SMAD2: variants seen among roughly 807,000 people sequenced by gnomAD.
SMAD2 encodes the protein SMAD family member 2, also known as MAD homolog 2.
In SMAD2, 8 loss-of-function variants were observed where a neutral mutation model predicts 64.4. The observed-to-expected ratio is 0.12, with a 90% CI of 0.07 to 0.22. The LOEUF is 0.22. Among genes scored for constraint, SMAD2 ranks in the 10% least tolerant of loss-of-function variants. The probability of loss-of-function intolerance (pLI) is 1.00; values close to 1 mark genes in which losing one functional copy is unlikely to be tolerated. For missense variants in SMAD2, 289 were observed against 561.2 expected (o/e 0.51, Z 4.90); for synonymous variants, 203 against 195.8 (o/e 1.04, Z -0.31).
intron 5 of SMAD2, 111 bp downstream of exon 5, chr18:47,868,212 A>G: frequency 1.1e-6 from 1 of 934,512 alleles, no homozygotes; most frequent in Non-Finnish European, 1.7e-6. Flanking sequence ...TTTCTATTAA[A>G]AACTCAAAAG....
At chr18:47,859,992 A>AG (rs2031038532) in intron 6 of SMAD2, among the ~76,000 whole-genome samples, 1 of 152,146 alleles carries the variant, frequency 6.6e-6, no homozygotes, top group Admixed American at 6.6e-5. Flanking sequence ...AAAATTAGCC[A>AG]GGTGCAGTAG....
rs1266589622 is a variant in SMAD2 at position 47,850,355 on chromosome 18, TAA to T, written c.784+917_784+918del. On this transcript the variant is annotated intron_variant, in intron 7 of 10. Transcript: ENST00000262160. ...TAATATATGTTATATATATTATACA[TAA>T]TATGTATAATATATATTATATATAT... 1.3e-4 allele frequency among the ~76,000 whole-genome samples: 5 copies of T among 38,766 alleles called. 1 individual carries two copies. The highest frequency in any genetic ancestry group is 1.6e-4 in the Non-Finnish European group (4 of 24,930). 25.4% of individuals were successfully genotyped at this position (38,766 alleles called of 152,430 possible). A position where few individuals can be genotyped will look rare whatever the true frequency, so the allele number is the denominator to read the frequency against.
At chr18:47,899,012 G>A (rs1235813016) in intron 1 of SMAD2, among the ~76,000 whole-genome samples, 3 of 152,016 alleles carry the variant, frequency 2.0e-5, no homozygotes, top group Non-Finnish European at 4.4e-5. Flanking sequence ...ATCCTTTGTA[G>A]CAAGGTATTG....
intron 1 of SMAD2, among the ~76,000 whole-genome samples, chr18:47,911,123 G>A (rs916522824): frequency 2.6e-5 from 4 of 151,860 alleles, no homozygotes; most frequent in African/African-American, 7.3e-5. Flanking sequence ...AGGCAGAGGC[G>A]GTTGGATCAC....
chr18:47,905,458 CA>C (rs912023478), intron 1 of SMAD2, among the ~76,000 whole-genome samples: 172 of 138,056 alleles, frequency 1.2e-3, no homozygotes, highest in African/African-American at 2.0e-3. Flanking sequence ...CATATGGAAA[CA>C]AAAAAAAAAA....
At chr18:47,917,803 T>G (rs1222261593) in intron 1 of SMAD2, among the ~76,000 whole-genome samples, 1 of 152,160 alleles carries the variant, frequency 6.6e-6, no homozygotes, top group Non-Finnish European at 1.5e-5. Context: ...TCCTCCTGCC[T>G]CAGCCTCCCA....
rs1912792300 is a variant in SMAD2 at position 47,827,378 on chromosome 18, TCCAG to T, written c.*14445_*14448del. 1 of 152,226 alleles carries T rather than the reference TCCAG, an allele frequency of 6.6e-6. No individual in the cohort carries two copies. The highest frequency in any genetic ancestry group is 2.1e-4 in the South Asian group (1 of 4,830). 9.4% of individuals were successfully genotyped at this position (152,226 alleles called of 1,614,324 possible). A position where few individuals can be genotyped will look rare whatever the true frequency, so the allele number is the denominator to read the frequency against. On this transcript the variant is annotated 3_prime_UTR_variant, in exon 11 of 11. Transcript: ENST00000262160. ...AAAAAATTTATGCTCAATACCTCTC[TCCAG>T]CCAATCACTATGTAAATTGTGAATT...
intron 1 of SMAD2, among the ~76,000 whole-genome samples, chr18:47,918,032 A>G (rs749768148): frequency 5.3e-5 from 8 of 152,236 alleles, no homozygotes; most frequent in East Asian, 1.9e-4. Flanking sequence ...GAAACCTCAA[A>G]AAGTTAAGGA....
In SMAD2 at chr18:47,840,051, T is replaced by G. The variant is rs12954768; in HGVS notation, c.*1776A>C. On this transcript the variant is annotated 3_prime_UTR_variant, in exon 11 of 11. Transcript: ENST00000262160. ...CCTTTACCCAAAGACTAAGAAAAGT[T>G]CCTGGTACAAACAGGTGAACAATAA... is the stretch of plus-strand genomic sequence containing the variant. The G allele has an allele frequency of 8.9e-3, 2,071 of 233,200 alleles. 14 individuals carry two copies. The highest frequency in any genetic ancestry group is 0.024 in the Middle Eastern group (19 of 786). 14.4% of individuals were successfully genotyped at this position (233,200 alleles called of 1,614,324 possible).
At position 47,824,389 on chromosome 18, in the gene SMAD2, C is replaced by G. The variant is rs142031605; in HGVS notation, c.*17438G>C. The G allele has an allele frequency of 6.6e-6, 1 of 152,292 alleles. No individual in the cohort carries two copies. The highest frequency in any genetic ancestry group is 1.5e-5 in the Non-Finnish European group (1 of 68,018). 9.4% of individuals were successfully genotyped at this position (152,292 alleles called of 1,614,324 possible). ...CTGCCTAGAAGCCGATTGTCCAAAC[C>G]CGAACTGGCAGCATCCTTGTTATTA... On this transcript the variant is annotated 3_prime_UTR_variant, in exon 11 of 11. Coordinates refer to ENST00000262160, the MANE Select transcript of SMAD2 (RefSeq NM_005901.6).
intron 2 of SMAD2, among the ~76,000 whole-genome samples, chr18:47,886,419 A>T (rs1057473168): frequency 4.6e-5 from 7 of 152,204 alleles, no homozygotes; most frequent in Admixed American, 3.9e-4. Flanking sequence ...ATTACAGGAA[A>T]ACCCTTTTAA....
At chr18:47,871,356 C>T (rs185279002) in intron 2 of SMAD2, among the ~76,000 whole-genome samples, 10 of 152,198 alleles carry the variant, frequency 6.6e-5, no homozygotes, top group African/African-American at 9.6e-5. Context: ...AACTTCAATG[C>T]GGATAAAGGA....
chr18:47,928,384 T>TC (rs1197295255), intron 1 of SMAD2, among the ~76,000 whole-genome samples: 1 of 152,138 alleles, frequency 6.6e-6, no homozygotes, highest in Non-Finnish European at 1.5e-5. Flanking sequence ...TGACATATAT[T>TC]CCCCCAAATG....
chr18:47,854,872 A>T (rs950349334), intron 6 of SMAD2, among the ~76,000 whole-genome samples: 2 of 152,170 alleles, frequency 1.3e-5, no homozygotes, highest in East Asian at 3.8e-4. Flanking sequence ...ATTATCACTG[A>T]AAGTCCATAA....
At chr18:47,866,207 T>C (rs1421399681) in intron 5 of SMAD2, among the ~76,000 whole-genome samples, 1 of 146,790 alleles carries the variant, frequency 6.8e-6, no homozygotes, top group African/African-American at 2.5e-5. Flanking sequence ...TTCCAGTTAC[T>C]AGGGAGGCTG....
At chr18:47,859,596 T>C (rs1484725986) in intron 6 of SMAD2, among the ~76,000 whole-genome samples, 1 of 152,136 alleles carries the variant, frequency 6.6e-6, no homozygotes, top group Non-Finnish European at 1.5e-5. Context: ...AAATAAGTGA[T>C]AATTTAAAAA....
In SMAD2 at chr18:47,828,327, G is replaced by C. The variant is rs191780318; in HGVS notation, c.*13500C>G. ...GTTCGGGAGGTGGGGGGCAGCCCCC[G>C]GCCAGCATCCACCCCGTCCGGGAGG... On this transcript the variant is annotated 3_prime_UTR_variant, in exon 11 of 11. Transcript: ENST00000262160. 2 of 150,502 alleles carry C rather than the reference G, an allele frequency of 1.3e-5. No individual in the cohort carries two copies. Among genetic ancestry groups the C allele is most frequent in the South Asian group, 2.1e-4 (1 of 4,828 alleles). 9.3% of individuals were successfully genotyped at this position (150,502 alleles called of 1,614,324 possible).
At chr18:47,900,834 A>C (rs8097580) in intron 1 of SMAD2, among the ~76,000 whole-genome samples, 87,587 of 151,974 alleles carry the variant, frequency 0.58, 25,614 homozygotes, top group East Asian at 0.82. Context: ...ATAAATTCTT[A>C]TTTTAAGTCA....
At chr18:47,916,552 C>A (rs1256279137) in intron 1 of SMAD2, among the ~76,000 whole-genome samples, 1 of 152,058 alleles carries the variant, frequency 6.6e-6, no homozygotes, top group Non-Finnish European at 1.5e-5. Flanking sequence ...TTACAGGCGA[C>A]TGCAACCATG....
Sources: gnomAD v4.1 joint callset for allele counts (sites outside exome capture counted in the v4.1 genomes callset) on GRCh38, gnomAD v4.1.1 for gene constraint, MANE v1.5 for transcripts, NCBI Gene and HGNC (gene_info 2026-07-23, HGNC 2026-07-21) for gene names.